The following MYO10 variants were observed in gnomAD, a reference collection of about 807,000 sequenced individuals.
The protein encoded by MYO10 is myosin X.
In MYO10, 133 loss-of-function variants were observed where a neutral mutation model predicts 257.3. The ratio of observed to expected loss-of-function variants is 0.52; its 90% confidence interval spans 0.45 to 0.60. The LOEUF is 0.60. MYO10 is among the 20% of genes least tolerant of loss of function. The probability of loss-of-function intolerance (pLI) is 0.00; values close to 1 mark genes in which losing one functional copy is unlikely to be tolerated. For missense variants in MYO10, 2,399 were observed against 2,635.7 expected (o/e 0.91, Z 1.97); for synonymous variants, 1,104 against 1,028.6 (o/e 1.07, Z -1.40).
chr5:16,753,529 T>G (rs1740443666), intron 19 of MYO10, among the ~76,000 whole-genome samples: 1 of 138,838 alleles, frequency 7.2e-6, no homozygotes, highest in Non-Finnish European at 1.5e-5. Context: ...TGGAGTGCAG[T>G]GGCAGATCTT....
intron 2 of MYO10, among the ~76,000 whole-genome samples, chr5:16,877,240 C>A (rs1397043790): frequency 6.6e-6 from 1 of 152,210 alleles, no homozygotes; most frequent in African/African-American, 2.4e-5. Context: ...GAGAAAGTAA[C>A]AAGTTAATCA....
chr5:16,824,911 C>T (rs541803088), intron 2 of MYO10, among the ~76,000 whole-genome samples: 1 of 151,886 alleles, frequency 6.6e-6, no homozygotes, highest in Non-Finnish European at 1.5e-5. Context: ...CAAAAACAAT[C>T]GAAGAAATAA....
intron 2 of MYO10, among the ~76,000 whole-genome samples, chr5:16,823,371 G>A (rs1382599494): frequency 7.4e-6 from 1 of 135,952 alleles, no homozygotes; most frequent in African/African-American, 2.7e-5. Context: ...CTTGAACCCG[G>A]GGGGCAGATG....
chr5:16,896,606 G>T (rs1488444303), intron 1 of MYO10, among the ~76,000 whole-genome samples: 1 of 151,998 alleles, frequency 6.6e-6, no homozygotes, highest in Non-Finnish European at 1.5e-5. Context: ...AAAAAGAAAA[G>T]AAAAAGGAAA....
intron 5 of MYO10, 31 bp downstream of exon 5, chr5:16,783,304 A>G (rs750220541): frequency 6.5e-7 from 1 of 1,531,342 alleles, no homozygotes; most frequent in Non-Finnish European, 8.8e-7. Context: ...AGTGAATCCT[A>G]TTAGTTGGAA....
intron 9 of MYO10, among the ~76,000 whole-genome samples, chr5:16,777,499 C>T (rs1211228684): frequency 6.6e-6 from 1 of 152,136 alleles, no homozygotes; most frequent in African/African-American, 2.4e-5. Context: ...AAAAGGAAAA[C>T]AGAATGAAGA....
At chr5:16,835,694 G>A (rs1449383339) in intron 2 of MYO10, among the ~76,000 whole-genome samples, 2 of 150,540 alleles carry the variant, frequency 1.3e-5, no homozygotes, top group East Asian at 3.9e-4. Flanking sequence ...GAAATCTGTA[G>A]AAATATCAGG....
At chr5:16,740,482 G>A (rs527304892) in intron 19 of MYO10, among the ~76,000 whole-genome samples, 7 of 152,230 alleles carry the variant, frequency 4.6e-5, no homozygotes, top group African/African-American at 1.4e-4. Flanking sequence ...GATTCAGTAA[G>A]TTCATCAGGA....
intron 19 of MYO10, among the ~76,000 whole-genome samples, chr5:16,717,359 G>C (rs1466310482): frequency 6.6e-6 from 1 of 152,198 alleles, no homozygotes; most frequent in Non-Finnish European, 1.5e-5. Flanking sequence ...AGAGAATGTG[G>C]TCTATAAGGT....
chr5:16,923,266 T>C (rs971670244), intron 1 of MYO10, among the ~76,000 whole-genome samples: 4 of 151,804 alleles, frequency 2.6e-5, no homozygotes, highest in African/African-American at 9.7e-5. Context: ...AGAGATGTAG[T>C]GTATTTTCAC....
intron 1 of MYO10, among the ~76,000 whole-genome samples, chr5:16,903,797 T>C (rs1239697057): frequency 6.6e-6 from 1 of 152,172 alleles, no homozygotes; most frequent in Non-Finnish European, 1.5e-5. Context: ...CAGAGAGGAA[T>C]GACATAAGAA....
chr5:16,889,487 GAA>G (rs1436708483), intron 1 of MYO10, among the ~76,000 whole-genome samples: 2 of 37,842 alleles, frequency 5.3e-5, no homozygotes, highest in African/African-American at 2.0e-4. Context: ...AAGAAGGAAG[GAA>G]GGAAGGAAGG....
At chr5:16,828,121 G>C (rs555869157) in intron 2 of MYO10, among the ~76,000 whole-genome samples, 1 of 152,162 alleles carries the variant, frequency 6.6e-6, no homozygotes, top group Non-Finnish European at 1.5e-5. Context: ...AAAGGCATTA[G>C]TATCTCCGCG....
intron 26 of MYO10, among the ~76,000 whole-genome samples, chr5:16,698,631 T>TGG (rs1737878054): frequency 5.5e-4 from 78 of 140,674 alleles, no homozygotes; most frequent in African/African-American, 2.0e-3. Context: ...CAGTTTTTTT[T>TGG]TTTTTTTTTT....
chr5:16,911,077 A>G (rs1227249325), intron 1 of MYO10, among the ~76,000 whole-genome samples: 3 of 152,170 alleles, frequency 2.0e-5, no homozygotes, highest in Non-Finnish European at 1.5e-5. Flanking sequence ...CCAGGCCAAG[A>G]GGATCACTTG....
intron 3 of MYO10, among the ~76,000 whole-genome samples, chr5:16,811,707 G>A (rs1742445596): frequency 6.6e-6 from 1 of 152,100 alleles, no homozygotes; most frequent in East Asian, 1.9e-4. Context: ...ACGCCACCAC[G>A]GCTGGCTAAT....
chr5:16,698,623 G>GTTTTTTCT (rs534800370), intron 26 of MYO10, among the ~76,000 whole-genome samples: 8 of 113,860 alleles, frequency 7.0e-5, no homozygotes, highest in African/African-American at 3.1e-4. Context: ...AGAACATGCA[G>GTTTTTTCT]TTTTTTTTTT....
chr5:16,735,684 G>A (rs1405845245), intron 19 of MYO10, among the ~76,000 whole-genome samples: 3 of 138,648 alleles, frequency 2.2e-5, no homozygotes, highest in Non-Finnish European at 4.7e-5. Context: ...CAGAGCCTCG[G>A]GAAAAAAAAA....
chr5:16,754,735 A>G (rs953609026), intron 19 of MYO10, 93 bp downstream of exon 19: 1 of 798,616 alleles, frequency 1.3e-6, no homozygotes, highest in Non-Finnish European at 1.9e-6. Flanking sequence ...TCTACAATGA[A>G]AGGACTTTGG....
Sources: allele counts gnomAD v4.1 joint callset (sites outside exome capture counted in the v4.1 genomes callset), GRCh38; gene constraint gnomAD v4.1.1; transcripts MANE v1.5; gene names NCBI Gene and HGNC (gene_info 2026-07-23, HGNC 2026-07-21).